MLLT1: variants seen among roughly 807,000 people sequenced by gnomAD.
MLLT1 encodes protein ENL.
In MLLT1, 11 loss-of-function variants were observed where a neutral mutation model predicts 55.1. The observed-to-expected ratio is 0.20, with a 90% CI of 0.13 to 0.33. The LOEUF (loss-of-function observed/expected upper bound fraction) is 0.33. MLLT1 is among the 10% of genes least tolerant of loss of function. The pLI is 1.00. For synonymous variants in MLLT1, 323 were observed against 320.1 expected, an observed-to-expected ratio of 1.01 and a Z score of -0.10; for missense variants, 536 against 760.6, an observed-to-expected ratio of 0.70 and a Z score of 3.47.
At chr19:6,249,000 G>A (rs959432200) in intron 3 of MLLT1, among the ~76,000 whole-genome samples, 1 of 152,190 alleles carries the variant, frequency 6.6e-6, no homozygotes, top group African/African-American at 2.4e-5. Flanking sequence ...TTATGCGTCT[G>A]GAGCAGCTTG....
At position 6,222,382 on chromosome 19, in the gene MLLT1, G is replaced by A. The variant is rs574408557; in HGVS notation, c.849C>T (p.Ser283=). 6.7e-5 allele frequency: 47 copies of A among 705,636 alleles called. No individual in the cohort carries two copies. The South Asian group carries it at 8.4e-4, about 13-fold the overall frequency. 43.7% of individuals were successfully genotyped at this position (705,636 alleles called of 1,614,324 possible). ...AGTCGGCGGTGGCCGGCCGCTTGCT[G>A]GAAGCCCGGGGTGGGGGTGGGGGTG... is the stretch of plus-strand genomic sequence containing the variant. ...PPPPPPPPRA[S]SKRPATADSP... is the part of the protein sequence containing the mutation. The change falls in exon 6 of 12, where the codon TCC becomes TCT. Residue 283 remains serine (S), a synonymous_variant. Coordinates refer to ENST00000252674, the MANE Select transcript of MLLT1 (RefSeq NM_005934.4). This position sits in a 1 kb window ranked among gnomAD's most constrained non-coding sequence, Gnocchi z 4.1.
rs1174665070 is a variant in MLLT1 at position 6,213,973 on chromosome 19, G to C, written c.1373C>G (p.Pro458Arg). ...GGGCGGGGGTGGCTTCTGGGGGGGT[G>C]GGGGCTCACGGCTGGGCAGGGAGGA... ...ADSSLPSREP[P>R]PPQKPPPPNS... Residue 458 changes from proline (P) to arginine (R), a missense_variant, in exon 9 of 12, where the codon CCA becomes CGA. Around this residue, in one of 3 missense-constraint regions of MLLT1, gnomAD observed 449 missense variants for 489.0 expected, o/e 0.92. Coordinates refer to ENST00000252674, the MANE Select transcript of MLLT1 (RefSeq NM_005934.4). 1.4e-6 allele frequency: 2 copies of C among 1,462,008 alleles called. No homozygotes were observed. The highest frequency in any genetic ancestry group is 1.8e-6 in the Non-Finnish European group (2 of 1,108,084). The allele number at this position is 1,462,008 out of a possible 1,614,324, so 90.6% of individuals were successfully genotyped here. A position where few individuals can be genotyped will look rare whatever the true frequency, so the allele number is the denominator to read the frequency against.
chr19:6,243,815 A>G (rs2091139563), intron 3 of MLLT1, among the ~76,000 whole-genome samples: 1 of 152,126 alleles, frequency 6.6e-6, no homozygotes, highest in African/African-American at 2.4e-5. Context: ...AGACCGAGGC[A>G]GGTGGATCAC....
chr19:6,232,997 G>A (rs767531764), intron 3 of MLLT1, among the ~76,000 whole-genome samples: 13 of 152,188 alleles, frequency 8.5e-5, no homozygotes, highest in Non-Finnish European at 1.5e-4. Flanking sequence ...CAGTGGGGAC[G>A]CAAGGCAGAG....
intron 2 of MLLT1, among the ~76,000 whole-genome samples, chr19:6,264,529 G>GA (rs2091330837): frequency 6.6e-6 from 1 of 150,772 alleles, no homozygotes; most frequent in South Asian, 2.1e-4. Context: ...CAAAAAGAAA[G>GA]AAAAAAAATA....
In MLLT1 at chr19:6,218,003, T is replaced by TGAGCTG. The variant is rs765850192; in HGVS notation, c.1143_1148dup (p.Ser382_Ser383dup). On this transcript the variant is annotated inframe_insertion, in exon 7 of 12. Coordinates refer to ENST00000252674, the MANE Select transcript of MLLT1 (RefSeq NM_005934.4). ...CGAAGTCTGAGTCTGAGCTGGAGTC[T>TGAGCTG]GAGCTGGAGCTGGAGTTGGACGGGC... The TGAGCTG allele has an allele frequency of 6.2e-7, 1 of 1,608,746 alleles. No individual in the cohort carries two copies.
At position 6,231,750 on chromosome 19, in the gene MLLT1, C is replaced by T. The variant is rs2091012888; in HGVS notation, c.277-1037G>A. On this transcript the variant is annotated intron_variant, in intron 3 of 11. Transcript: ENST00000252674. The surrounding 1 kb of genome is among the most constrained non-coding windows in gnomAD (Gnocchi z 5.1). ...TCTCCTGACCTCGTGACCCACCCGC[C>T]TCAGCCTCCCAAAGTGCTGGGATTA... Among the ~76,000 whole-genome samples the T allele has an allele frequency of 6.6e-6, 1 of 152,018 alleles. No individual in the cohort carries two copies. Among genetic ancestry groups the T allele is most frequent in the Admixed American group, 6.6e-5 (1 of 15,266 alleles).
chr19:6,222,648 G>A lies in MLLT1; in HGVS notation c.583C>T (p.His195Tyr). ...TCCCGGTGCTCCTTGGTCACCTTGT[G>A]TGGCTTGGAGGTCTTGCTGCTCTCC... ...NKESSKTSKP[H>Y]KVTKEHRERP... Residue 195 changes from histidine (H) to tyrosine (Y), a missense_variant, in exon 6 of 12, where the codon CAC (histidine) becomes TAC (tyrosine). Coordinates refer to ENST00000252674, the MANE Select transcript of MLLT1 (RefSeq NM_005934.4). The surrounding 1 kb of genome is among the most constrained non-coding windows in gnomAD (Gnocchi z 4.1). 1.9e-6 allele frequency: 3 copies of A among 1,569,606 alleles called. No individual in the cohort carries two copies. In the Admixed American group the frequency reaches 5.3e-5, roughly 28 times the overall value.
rs79968868 is a variant in MLLT1, at chr19:6,262,855, G to A, written c.194-545C>T. ...CCTAATAAGAGCATTCCCAAGTGACGCAAACAAAACCCCATTGACCCCAGA... is the reference window on the plus strand; with the variant it reads ...CCTAATAAGAGCATTCCCAAGTGACACAAACAAAACCCCATTGACCCCAGA... On this transcript the variant is annotated intron_variant, in intron 2 of 11. Coordinates refer to ENST00000252674, the MANE Select transcript of MLLT1 (RefSeq NM_005934.4). The surrounding 1 kb of genome is among the most constrained non-coding windows in gnomAD (Gnocchi z 4.4). 8.5e-3 allele frequency among the ~76,000 whole-genome samples: 1,290 copies of A among 151,602 alleles called. 12 individuals carry two copies. Among genetic ancestry groups the A allele is most frequent in the Non-Finnish European group, 0.012 (843 of 67,908 alleles).
In MLLT1 at chr19:6,267,212, C is replaced by T. The variant is rs1036462403; in HGVS notation, c.193+3367G>A. ...TGCATCCTGGGTTCAAGCGATTCTC[C>T]TGCCTCAGCTTCCCGAGTAGCTGGG... On this transcript the variant is annotated intron_variant, in intron 2 of 11. Transcript: ENST00000252674. Among the ~76,000 whole-genome samples the T allele has an allele frequency of 5.3e-5, 8 of 152,094 alleles. No homozygotes were observed. The East Asian group carries it at 1.5e-3, about 29-fold the overall frequency.
rs575258714 is a variant in MLLT1, at chr19:6,217,269, C to G, written c.1198+685G>C. Among the ~76,000 whole-genome samples, 137 of 152,318 alleles carry G rather than the reference C, an allele frequency of 9.0e-4. 1 individual carries two copies. The highest frequency in any genetic ancestry group is 3.4e-3 in the Middle Eastern group (1 of 294). ...CCGCACACTCCTCTCCCCCAGCCCC[C>G]CTGCAAAGGATTCCAGGCCAAGGGG... is the stretch of plus-strand genomic sequence containing the variant. On this transcript the variant is annotated intron_variant, in intron 7 of 11. Transcript: ENST00000252674.
Position 6,225,913 on chromosome 19 carries a change from T to C in MLLT1, c.546+1064A>G, listed in dbSNP as rs569832263. Among the ~76,000 whole-genome samples the C allele has an allele frequency of 6.1e-4, 93 of 152,334 alleles. 1 individual carries two copies. The South Asian group carries it at 0.018, about 30-fold the overall frequency. ...ATCCCCAGCAAGAGCTTTTCCTTCA[T>C]TGAGCCTCCACAAGGCTCAGGGAGA... On this transcript the variant is annotated intron_variant, in intron 5 of 11. Transcript: ENST00000252674.
At chr19:6,272,103 A>G (rs905653845) in intron 1 of MLLT1, among the ~76,000 whole-genome samples, 2 of 151,010 alleles carry the variant, frequency 1.3e-5, no homozygotes, top group African/African-American at 4.9e-5. Flanking sequence ...GCCATGTTAA[A>G]GCTTTCCACG....
chr19:6,254,683 C>A (rs1470520064), intron 3 of MLLT1, among the ~76,000 whole-genome samples: 1 of 152,134 alleles, frequency 6.6e-6, no homozygotes, highest in Non-Finnish European at 1.5e-5. Context: ...ACAGGTTTTT[C>A]CTTCTTCTAT....
In MLLT1 at chr19:6,262,176, A is replaced by C; in HGVS notation, c.276+52T>G. On this transcript the variant is annotated intron_variant, in intron 3 of 11. Coordinates refer to ENST00000252674, the MANE Select transcript of MLLT1 (RefSeq NM_005934.4). The surrounding 1 kb of genome is among the most constrained non-coding windows in gnomAD (Gnocchi z 4.4). ...TTTTGTGAACTGCCGTGGCACCCGG[A>C]GCAGGGGTCCCCACAGAGAGGCATC... is the stretch of plus-strand genomic sequence containing the variant. 6.9e-7 allele frequency: 1 copy of C among 1,455,904 alleles called. No individual in the cohort carries two copies. Among genetic ancestry groups the C allele is most frequent in the Non-Finnish European group, 9.6e-7 (1 of 1,037,246 alleles). The allele number at this position is 1,455,904 out of a possible 1,614,324, so 90.2% of individuals were successfully genotyped here.
chr19:6,270,797 C>G lies in MLLT1; in HGVS notation c.13-38G>C. 6.4e-7 allele frequency: 1 copy of G among 1,558,812 alleles called. No homozygotes were observed. Among genetic ancestry groups the G allele is most frequent in the Non-Finnish European group, 8.7e-7 (1 of 1,148,106 alleles). On this transcript the variant is annotated intron_variant, in intron 1 of 11. Coordinates refer to ENST00000252674, the MANE Select transcript of MLLT1 (RefSeq NM_005934.4). The surrounding 1 kb of genome is among the most constrained non-coding windows in gnomAD (Gnocchi z 7.1). ...GAGGTGGGGAGATGAAGTCAGCACA[C>G]GCCTCCAAGCAGGGGACTGTCCCCT... is the stretch of plus-strand genomic sequence containing the variant.
intron 3 of MLLT1, among the ~76,000 whole-genome samples, chr19:6,250,591 T>C (rs1335238938): frequency 6.6e-6 from 1 of 152,214 alleles, no homozygotes; most frequent in Non-Finnish European, 1.5e-5. Context: ...CCGAATACAA[T>C]GCCTACACAT....
At position 6,210,832 on chromosome 19, in the gene MLLT1, C is replaced by T; in HGVS notation, c.*2210G>A. ...GATGCTGCCTTGGGAGCCCATGCTG[C>T]CCAGCACGTCCATCAGGTGGTCACG... On this transcript the variant is annotated 3_prime_UTR_variant, in exon 12 of 12. Transcript: ENST00000252674. The surrounding 1 kb of genome is among the most constrained non-coding windows in gnomAD (Gnocchi z 4.6). 1 of 229,842 alleles carries T rather than the reference C, an allele frequency of 4.4e-6. No homozygotes were observed. The highest frequency in any genetic ancestry group is 6.2e-5 in the East Asian group (1 of 16,214). The allele number at this position is 229,842 out of a possible 1,614,324, so 14.2% of individuals were successfully genotyped here. A position where few individuals can be genotyped will look rare whatever the true frequency, so the allele number is the denominator to read the frequency against.
rs113463914 is a variant in MLLT1, at chr19:6,254,297, T to G, written c.276+7931A>C. Among the ~76,000 whole-genome samples the G allele has an allele frequency of 1.7e-3, 254 of 152,336 alleles. 1 individual carries two copies. Among genetic ancestry groups the G allele is most frequent in the African/African-American group, 5.8e-3 (243 of 41,586 alleles). ...TGAGGGCATGGAACGTCAGCACCCT[T>G]CCCACATAGCCTGCCCCATGCAGCA... is the stretch of plus-strand genomic sequence containing the variant. On this transcript the variant is annotated intron_variant, in intron 3 of 11. Transcript: ENST00000252674.
Sources: gnomAD v4.1 joint callset for allele counts (sites outside exome capture counted in the v4.1 genomes callset) on GRCh38, gnomAD v4.1.1 for gene constraint, gnomAD v4.1.1 regional missense constraint, Gnocchi (gnomAD v3.1) non-coding constraint, MANE v1.5 for transcripts, NCBI Gene and HGNC (gene_info 2026-07-23, HGNC 2026-07-21) for gene names.